LARP4B: variants seen among roughly 807,000 people sequenced by gnomAD.
LARP4B encodes the protein La ribonucleoprotein 4B, also known as la-related protein 4B.
A neutral mutation model predicts 89.8 loss-of-function variants in LARP4B; 12 were observed. That is an observed-to-expected ratio of 0.13 (90% CI 0.09 to 0.22). The LOEUF is 0.22. Among genes scored for constraint, LARP4B ranks in the 10% least tolerant of loss-of-function variants. The pLI, the probability that LARP4B is intolerant of heterozygous loss-of-function variation, is 1.00. For missense variants in LARP4B, 757 were observed against 947.7 expected, an observed-to-expected ratio of 0.80 and a Z score of 2.64; for synonymous variants, 367 against 363.3, an observed-to-expected ratio of 1.01 and a Z score of -0.12.
At chr10:962,343 G>C in the LARP4B span, among the ~76,000 whole-genome samples, 1 of 151,056 alleles carries the variant, frequency 6.6e-6, no homozygotes, top group African/African-American at 2.4e-5. Flanking sequence ...TTTTGGGTTC[G>C]GGCCCAACAA....
chr10:844,329 T>A (rs1490624815), intron 6 of LARP4B, among the ~76,000 whole-genome samples: 1 of 152,190 alleles, frequency 6.6e-6, no homozygotes, highest in African/African-American at 2.4e-5. Flanking sequence ...AGCATGGGCA[T>A]GGGGAGGAGG....
rs575940459 is a variant in LARP4B, at chr10:920,973, T to C, written c.-40+10455A>G. ...CCTAACCACACTTCCCAACATCAAA[T>C]TGAAAACTGGAAGTTAAGGGTCAGG... On this transcript the variant is annotated intron_variant, in intron 1 of 17. Coordinates refer to ENST00000316157, the MANE Select transcript of LARP4B (RefSeq NM_015155.3). Among the ~76,000 whole-genome samples, 21 of 151,866 alleles carry C rather than the reference T, an allele frequency of 1.4e-4. No homozygotes were observed. In the East Asian group the frequency reaches 3.7e-3, roughly 27 times the overall value.
At chr10:846,397 T>C (rs1411618801) in intron 5 of LARP4B, among the ~76,000 whole-genome samples, 1 of 151,874 alleles carries the variant, frequency 6.6e-6, no homozygotes, top group South Asian at 2.1e-4. Context: ...CCTGGTGCCA[T>C]CCAGACAGGA....
chr10:964,155 C>G, the LARP4B span, among the ~76,000 whole-genome samples: 1 of 152,192 alleles, frequency 6.6e-6, no homozygotes, highest in Middle Eastern at 3.2e-3. Context: ...TAATCTCTGC[C>G]TCCCAGGTTC....
chr10:847,750 C>T (rs150497226), intron 5 of LARP4B, among the ~76,000 whole-genome samples: 2 of 152,188 alleles, frequency 1.3e-5, no homozygotes, highest in African/African-American at 2.4e-5. Flanking sequence ...AGGCTGGTCT[C>T]GAACTCCTGC....
chr10:811,171 C>T lies in LARP4B; in HGVS notation c.*1755G>A, dbSNP rs1358139781. 1 of 152,616 alleles carries T rather than the reference C, an allele frequency of 6.6e-6. No homozygotes were observed. The highest frequency in any genetic ancestry group is 2.4e-5 in the African/African-American group (1 of 41,434). 9.5% of individuals were successfully genotyped at this position (152,616 alleles called of 1,614,324 possible). ...AAAGAGGCAGAATCAGTTCAACACACCGATGTAAGAGAAAAAAGAAAATCT... is the reference window on the plus strand; with the variant it reads ...AAAGAGGCAGAATCAGTTCAACACATCGATGTAAGAGAAAAAAGAAAATCT... On this transcript the variant is annotated 3_prime_UTR_variant, in exon 18 of 18. Coordinates refer to ENST00000316157, the MANE Select transcript of LARP4B (RefSeq NM_015155.3).
At position 862,269 on chromosome 10, in the gene LARP4B, A is replaced by AC. The variant is rs1459950310; in HGVS notation, c.430+1473_430+1474insG. ...CTCCACTGAAGTTAAAAAAAAAAAAAAAAAAAAAAAAACAACCGTCACAGA... is the reference window on the plus strand; with the variant it reads ...CTCCACTGAAGTTAAAAAAAAAAAAACAAAAAAAAAAAACAACCGTCACAGA... On this transcript the variant is annotated intron_variant, in intron 5 of 17. Transcript: ENST00000316157. Among the ~76,000 whole-genome samples, 278 of 143,994 alleles carry AC rather than the reference A, an allele frequency of 1.9e-3. 1 individual carries two copies. The highest frequency in any genetic ancestry group is 6.3e-3 in the African/African-American group (257 of 40,578). 94.5% of individuals were successfully genotyped at this position (143,994 alleles called of 152,430 possible). A position where few individuals can be genotyped will look rare whatever the true frequency, so the allele number is the denominator to read the frequency against.
At chr10:870,853 T>C (rs1401571397) in intron 3 of LARP4B, among the ~76,000 whole-genome samples, 2 of 152,250 alleles carry the variant, frequency 1.3e-5, no homozygotes, top group East Asian at 3.8e-4. Context: ...CTACTATTTC[T>C]GACTTCTGTA....
chr10:987,219 T>G, the LARP4B span: 19 of 152,164 alleles, frequency 1.2e-4, no homozygotes, highest in Non-Finnish European at 2.4e-4. Flanking sequence ...CCTTTAGAAG[T>G]GCCACAAAGA....
the LARP4B span, among the ~76,000 whole-genome samples, chr10:939,209 G>A: frequency 6.6e-6 from 1 of 152,216 alleles, no homozygotes; most frequent in East Asian, 1.9e-4. Flanking sequence ...AGGCTGCAGT[G>A]GAGTTGAATG....
At chr10:906,967 C>T (rs547355557) in intron 1 of LARP4B, among the ~76,000 whole-genome samples, 13 of 152,178 alleles carry the variant, frequency 8.5e-5, no homozygotes, top group Non-Finnish European at 1.0e-4. Context: ...CTCCCTAAAG[C>T]GAGGGACTCG....
intron 1 of LARP4B, among the ~76,000 whole-genome samples, chr10:905,502 G>A (rs965598545): frequency 6.6e-5 from 10 of 152,158 alleles, no homozygotes; most frequent in African/African-American, 1.7e-4. Context: ...ACACTTGACC[G>A]AAGTCAGGAT....
At chr10:942,142 T>C in the LARP4B span, 1 of 152,346 alleles carries the variant, frequency 6.6e-6, no homozygotes, top group Non-Finnish European at 1.5e-5. Context: ...TTTGAGCACA[T>C]TTTCATGTTT....
chr10:882,855 T>C (rs1248418239), intron 3 of LARP4B, among the ~76,000 whole-genome samples: 2 of 152,186 alleles, frequency 1.3e-5, no homozygotes, highest in Admixed American at 6.5e-5. Context: ...AAACTGTAAA[T>C]AGCCTGGTTC....
At chr10:960,283 A>T in the LARP4B span, among the ~76,000 whole-genome samples, 3 of 152,180 alleles carry the variant, frequency 2.0e-5, no homozygotes, top group Non-Finnish European at 4.4e-5. Flanking sequence ...TAGGCCAGTA[A>T]AATGATTCTG....
At chr10:921,069 T>A (rs1836964349) in intron 1 of LARP4B, among the ~76,000 whole-genome samples, 4 of 150,980 alleles carry the variant, frequency 2.6e-5, no homozygotes, top group African/African-American at 9.7e-5. Context: ...AGGTGGGGAG[T>A]TCGAGAGCAG....
upstream of LARP4B, among the ~76,000 whole-genome samples, chr10:934,259 G>C (rs1830719841): frequency 6.6e-6 from 1 of 151,978 alleles, no homozygotes; most frequent in Non-Finnish European, 1.5e-5. Context: ...CACTTTAGGA[G>C]GCCAAGGCAG....
the LARP4B span, among the ~76,000 whole-genome samples, chr10:949,870 C>T: frequency 1.3e-5 from 2 of 152,162 alleles, no homozygotes; most frequent in Admixed American, 6.5e-5. Context: ...TGCAGTGGTG[C>T]GATAACAGCT....
chr10:829,239 T>C (rs1832773156), intron 11 of LARP4B, 146 bp downstream of exon 11: 1 of 707,834 alleles, frequency 1.4e-6, no homozygotes, highest in South Asian at 2.1e-5. Flanking sequence ...CTCAGCTACA[T>C]TTAAAATCCC....
Sources: allele counts gnomAD v4.1 joint callset (sites outside exome capture counted in the v4.1 genomes callset), GRCh38; gene constraint gnomAD v4.1.1; transcripts MANE v1.5; gene names NCBI Gene and HGNC (gene_info 2026-07-23, HGNC 2026-07-21).